MAMDC2: variants seen among roughly 807,000 people sequenced by gnomAD.
MAMDC2 encodes the protein MAM domain-containing protein 2.
Under a neutral mutation model 89.8 loss-of-function variants are expected in MAMDC2, and 57 were observed. That is an observed-to-expected ratio of 0.63 (90% CI 0.51 to 0.79). The LOEUF (loss-of-function observed/expected upper bound fraction) is 0.79. MAMDC2 is among the 30% of genes least tolerant of loss of function. The pLI is 0.00. For synonymous variants in MAMDC2, 313 were observed against 293.4 expected (o/e 1.07, Z -0.68); for missense variants, 800 against 820.6 (o/e 0.97, Z 0.31).
intron 2 of MAMDC2, among the ~76,000 whole-genome samples, chr9:70,075,713 C>A (rs1827514490): frequency 6.6e-6 from 1 of 152,180 alleles, no homozygotes; most frequent in South Asian, 2.1e-4. Flanking sequence ...AGAAATCTAG[C>A]CTACAACTAC....
intron 11 of MAMDC2, among the ~76,000 whole-genome samples, chr9:70,216,018 T>C (rs886106026): frequency 4.6e-5 from 7 of 152,214 alleles, no homozygotes; most frequent in Non-Finnish European, 1.0e-4. Context: ...TGCCATATTT[T>C]TGGAAATGAT....
At chr9:70,061,238 C>A (rs924750361) in intron 2 of MAMDC2, among the ~76,000 whole-genome samples, 1 of 152,292 alleles carries the variant, frequency 6.6e-6, no homozygotes, top group East Asian at 1.9e-4. Flanking sequence ...ACACAACCAC[C>A]CTCTGAGGTG....
At chr9:70,207,708 T>G (rs556884288) in intron 11 of MAMDC2, among the ~76,000 whole-genome samples, 6 of 152,352 alleles carry the variant, frequency 3.9e-5, no homozygotes, top group Non-Finnish European at 7.4e-5. Context: ...TCCTTGCCCA[T>G]GCCTATGTCC....
At chr9:70,101,517 T>G (rs1388700944) in intron 2 of MAMDC2, among the ~76,000 whole-genome samples, 5 of 152,162 alleles carry the variant, frequency 3.3e-5, no homozygotes, top group Non-Finnish European at 7.3e-5. Flanking sequence ...ATGTACTATT[T>G]CTTATCTTTT....
At chr9:70,120,052 A>G (rs542448740) in intron 5 of MAMDC2, among the ~76,000 whole-genome samples, 5 of 152,326 alleles carry the variant, frequency 3.3e-5, no homozygotes, top group Admixed American at 1.3e-4. Context: ...TTCTAATGGA[A>G]TTACCGCACT....
intron 8 of MAMDC2, among the ~76,000 whole-genome samples, chr9:70,141,301 G>T (rs1468668991): frequency 6.6e-6 from 1 of 152,124 alleles, no homozygotes; most frequent in East Asian, 1.9e-4. Flanking sequence ...CTGATGAAAC[G>T]GGGAACTGTT....
intron 2 of MAMDC2, among the ~76,000 whole-genome samples, chr9:70,051,877 C>CTAGATAGA (rs34400323): frequency 1.4e-5 from 2 of 144,590 alleles, no homozygotes; most frequent in African/African-American, 2.6e-5. Flanking sequence ...ATTTACCTAT[C>CTAGATAGA]TAGATAGATA....
intron 7 of MAMDC2, among the ~76,000 whole-genome samples, chr9:70,134,486 C>T (rs747615286): frequency 5.3e-5 from 8 of 152,086 alleles, no homozygotes; most frequent in Non-Finnish European, 8.8e-5. Flanking sequence ...TGCCATAAAG[C>T]CCAGCCTCAA....
intron 2 of MAMDC2, chr9:70,092,130 A>T (rs1252726333): frequency 2.0e-5 from 3 of 152,216 alleles, no homozygotes. Flanking sequence ...AGTAAAATAG[A>T]CAAAAACCTG....
At chr9:70,225,053 T>C (rs1428969151) in intron 12 of MAMDC2, among the ~76,000 whole-genome samples, 1 of 152,168 alleles carries the variant, frequency 6.6e-6, no homozygotes, top group Non-Finnish European at 1.5e-5. Flanking sequence ...TCATTACCCA[T>C]GGGCCTCCCT....
rs1008975399 is a variant in MAMDC2 at position 70,061,905 on chromosome 9, G to A, written c.148+17208G>A. The stretch of plus-strand genomic sequence containing the variant: ...TCAGAACTCATGGATGAATCAGGTG[G>A]ACTAAAACCCTTGGCCTTTCCTGTT... On this transcript the variant is annotated intron_variant, in intron 2 of 13. Transcript: ENST00000377182. Among the ~76,000 whole-genome samples, 8 of 152,164 alleles carry A rather than the reference G, an allele frequency of 5.3e-5. No individual in the cohort carries two copies. In the South Asian group the frequency reaches 1.7e-3, roughly 31 times the overall value.
intron 2 of MAMDC2, chr9:70,086,447 G>C (rs1483953037): frequency 6.6e-6 from 1 of 152,124 alleles, no homozygotes; most frequent in African/African-American, 2.4e-5. Context: ...AGAAACAAAA[G>C]CCTTCAAGCA....
rs1030649303 is a variant in MAMDC2, at chr9:70,119,953, G to A, written c.644-6206G>A. Among the ~76,000 whole-genome samples, 3 of 152,212 alleles carry A rather than the reference G, an allele frequency of 2.0e-5. No homozygotes were observed. In the South Asian group the frequency reaches 6.2e-4, roughly 31 times the overall value. On this transcript the variant is annotated intron_variant, in intron 5 of 13. Coordinates refer to ENST00000377182, the MANE Select transcript of MAMDC2 (RefSeq NM_153267.5). ...GGCCAATGGGGGATCCCACTTTAGT[G>A]TTGACAGACAGGGATGAGCAACTCT...
At chr9:70,193,631 A>G (rs2032926092) in intron 11 of MAMDC2, among the ~76,000 whole-genome samples, 1 of 151,936 alleles carries the variant, frequency 6.6e-6, no homozygotes, top group South Asian at 2.1e-4. Flanking sequence ...AAAAAGTAAT[A>G]CTGGGATACC....
intron 2 of MAMDC2, among the ~76,000 whole-genome samples, chr9:70,066,480 G>T (rs1563938519): frequency 6.6e-6 from 1 of 152,138 alleles, no homozygotes; most frequent in Non-Finnish European, 1.5e-5. Flanking sequence ...AATCTCGCAG[G>T]CTGGTGTAGG....
intron 9 of MAMDC2, among the ~76,000 whole-genome samples, chr9:70,163,863 G>C (rs958590525): frequency 1.3e-5 from 2 of 150,590 alleles, no homozygotes; most frequent in Non-Finnish European, 3.0e-5. Context: ...CTGAAGCAGG[G>C]GGATCACTTG....
At chr9:70,188,762 A>ATTTTTTTTTTTTTTTTTTTTT (rs10701601) in intron 11 of MAMDC2, 1 of 95,148 alleles carries the variant, frequency 1.1e-5, no homozygotes, top group African/African-American at 4.3e-5. Context: ...AAAACAATTG[A>ATTTTTTTTTTTTTTTTTTTTT]TTTTTTTTTT....
At chr9:70,074,621 T>G (rs539023330) in intron 2 of MAMDC2, among the ~76,000 whole-genome samples, 1 of 152,272 alleles carries the variant, frequency 6.6e-6, no homozygotes. Context: ...AGCTGGCATG[T>G]GGCAGGATGG....
At chr9:70,045,019 A>G (rs1490022573) in intron 2 of MAMDC2, among the ~76,000 whole-genome samples, 1 of 151,042 alleles carries the variant, frequency 6.6e-6, no homozygotes, top group African/African-American at 2.5e-5. Flanking sequence ...CAGGCACACC[A>G]GCTGTGTGCC....
Sources: allele counts gnomAD v4.1 joint callset (sites outside exome capture counted in the v4.1 genomes callset), GRCh38; gene constraint gnomAD v4.1.1; transcripts MANE v1.5; gene names NCBI Gene and HGNC (gene_info 2026-07-23, HGNC 2026-07-21).